The following JAM3 variants were observed in gnomAD, a reference collection of about 807,000 sequenced individuals.
JAM3 encodes the protein junctional adhesion molecule 3, also known as junctional adhesion molecule C.
In JAM3, 31 loss-of-function variants were observed where a neutral mutation model predicts 39.4. That is an observed-to-expected ratio of 0.79 (90% CI 0.59 to 1.06). JAM3 has a LOEUF of 1.06. JAM3 is among the 50% of genes least tolerant of loss of function. The pLI is 0.00. For synonymous variants in JAM3, 182 were observed against 148.7 expected, an observed-to-expected ratio of 1.22 and a Z score of -1.63; for missense variants, 455 against 391.4, an observed-to-expected ratio of 1.16 and a Z score of -1.37.
intron 1 of JAM3, among the ~76,000 whole-genome samples, chr11:134,124,916 C>G (rs562576329): frequency 6.6e-6 from 1 of 152,232 alleles, no homozygotes; most frequent in African/African-American, 2.4e-5. Context: ...GAGCGGGGAC[C>G]GGGCATTGAA....
chr11:134,142,928 T>C (rs1943002420), intron 3 of JAM3, among the ~76,000 whole-genome samples: 1 of 152,216 alleles, frequency 6.6e-6, no homozygotes, highest in African/African-American at 2.4e-5. Context: ...CCTGTGTCCG[T>C]ACTTCATTTC....
intron 1 of JAM3, among the ~76,000 whole-genome samples, chr11:134,088,145 A>G (rs1465757038): frequency 6.6e-6 from 1 of 152,220 alleles, no homozygotes; most frequent in African/African-American, 2.4e-5. Flanking sequence ...CTAGAACTCA[A>G]CTTTATTAAT....
intron 1 of JAM3, among the ~76,000 whole-genome samples, chr11:134,122,237 G>A (rs1942547669): frequency 6.6e-6 from 1 of 152,212 alleles, no homozygotes; most frequent in African/African-American, 2.4e-5. Context: ...TACTGGCCTA[G>A]CTGACGCTAA....
intron 1 of JAM3, among the ~76,000 whole-genome samples, chr11:134,116,208 G>T (rs1942429757): frequency 6.6e-6 from 1 of 152,112 alleles, no homozygotes; most frequent in Admixed American, 6.5e-5. Context: ...AAATATTTCG[G>T]TGGATAAGAT....
intron 1 of JAM3, among the ~76,000 whole-genome samples, chr11:134,077,007 G>A (rs1418250146): frequency 6.6e-6 from 1 of 151,806 alleles, no homozygotes; most frequent in Non-Finnish European, 1.5e-5. Flanking sequence ...ACTAATTTTT[G>A]TATTTTTAGT....
chr11:134,112,199 G>A (rs1483089334), intron 1 of JAM3, among the ~76,000 whole-genome samples: 1 of 152,086 alleles, frequency 6.6e-6, no homozygotes, highest in African/African-American at 2.4e-5. Context: ...GAATTCTCCT[G>A]CCTCAGCCTC....
intron 1 of JAM3, among the ~76,000 whole-genome samples, chr11:134,108,740 C>T (rs879512604): frequency 1.3e-5 from 2 of 152,108 alleles, no homozygotes; most frequent in African/African-American, 2.4e-5. Context: ...CAAAATTCAA[C>T]ATCCATTTAT....
chr11:134,128,112 T>A (rs925837756), intron 1 of JAM3, among the ~76,000 whole-genome samples: 2 of 152,222 alleles, frequency 1.3e-5, no homozygotes, highest in African/African-American at 4.8e-5. Flanking sequence ...GTTTTCCTCT[T>A]GGGCTTTTTA....
At chr11:134,113,802 C>T (rs1161215745) in intron 1 of JAM3, among the ~76,000 whole-genome samples, 1 of 152,204 alleles carries the variant, frequency 6.6e-6, no homozygotes, top group Non-Finnish European at 1.5e-5. Context: ...AGTTTACAGT[C>T]CCACCAACAG....
intron 1 of JAM3, among the ~76,000 whole-genome samples, chr11:134,115,450 C>T (rs1591791530): frequency 6.6e-6 from 1 of 152,028 alleles, no homozygotes; most frequent in Non-Finnish European, 1.5e-5. Context: ...TTTATGCCTT[C>T]TTTTCTATTG....
In JAM3 at chr11:134,097,203, C is replaced by G. The variant is rs538092160; in HGVS notation, c.76+28044C>G. Among the ~76,000 whole-genome samples the G allele has an allele frequency of 3.9e-5, 6 of 152,334 alleles. No homozygotes were observed. In the South Asian group the frequency reaches 1.2e-3, roughly 32 times the overall value. On this transcript the variant is annotated intron_variant, in intron 1 of 8. Transcript: ENST00000299106. ...CAATAGTGAATGTGTTTTGATTACT[C>G]TTTACCATCCTCTTCCCTCAATAGT...
In JAM3 at chr11:134,144,292, G is replaced by A. The variant is rs779041471; in HGVS notation, c.308G>A (p.Trp103Ter). 12 of 1,614,198 alleles carry A rather than the reference G, an allele frequency of 7.4e-6. No homozygotes were observed. The highest frequency in any genetic ancestry group is 1.0e-5 in the Non-Finnish European group (12 of 1,180,024). ...EILGKTSLKI[W>*]NVTRRDSALY... ...CTGGGGAAGACATCCCTGAAGATCT[G>A]GAATGTGACACGGAGAGACTCAGCC... Residue 103 changes from tryptophan (W) to a stop codon, truncating the protein, a stop_gained, in exon 4 of 9, where the codon TGG (tryptophan) becomes TAG (stop). Coordinates refer to ENST00000299106, the MANE Select transcript of JAM3 (RefSeq NM_032801.5). LOFTEE classifies it high-confidence loss of function.
rs919628253 is a variant in JAM3 at position 134,149,279 on chromosome 11, C to G, written c.*98C>G. 2.8e-6 allele frequency: 4 copies of G among 1,415,480 alleles called. No homozygotes were observed. The African/African-American group carries it at 4.2e-5, about 15-fold the overall frequency. The allele number at this position is 1,415,480 out of a possible 1,614,324, so 87.7% of individuals were successfully genotyped here. ...CGAGAGCTGATGCACTCGGACAGAG[C>G]TAGACACTCATTCAGAAGCTTTTCG... On this transcript the variant is annotated 3_prime_UTR_variant, in exon 9 of 9. Coordinates refer to ENST00000299106, the MANE Select transcript of JAM3 (RefSeq NM_032801.5).
chr11:134,110,428 G>A (rs766362939), intron 1 of JAM3, among the ~76,000 whole-genome samples: 1 of 152,158 alleles, frequency 6.6e-6, no homozygotes, highest in Non-Finnish European at 1.5e-5. Context: ...ACATCTGGTG[G>A]TATTTCCATA....
chr11:134,089,428 A>G (rs1473797333), intron 1 of JAM3, among the ~76,000 whole-genome samples: 2 of 152,080 alleles, frequency 1.3e-5, no homozygotes, highest in Non-Finnish European at 2.9e-5. Flanking sequence ...GTCATTTAAC[A>G]TTAGATATAT....
intron 1 of JAM3, among the ~76,000 whole-genome samples, chr11:134,096,177 A>G (rs1941979486): frequency 6.6e-6 from 1 of 152,060 alleles, no homozygotes; most frequent in South Asian, 2.1e-4. Flanking sequence ...GGGTTTCTCC[A>G]TGTTGCCCAG....
At chr11:134,099,150 G>A (rs1218514467) in intron 1 of JAM3, among the ~76,000 whole-genome samples, 1 of 152,096 alleles carries the variant, frequency 6.6e-6, no homozygotes, top group African/African-American at 2.4e-5. Context: ...GCAGTGAGCT[G>A]TGATCATGCC....
chr11:134,105,384 C>T (rs1438662855), intron 1 of JAM3, among the ~76,000 whole-genome samples: 1 of 152,096 alleles, frequency 6.6e-6, no homozygotes, highest in Non-Finnish European at 1.5e-5. Flanking sequence ...ATGACAAACC[C>T]ACAGCCAATA....
chr11:134,123,214 GTTATTTGT>G (rs953307540), intron 1 of JAM3, among the ~76,000 whole-genome samples: 5 of 147,476 alleles, frequency 3.4e-5, no homozygotes, highest in African/African-American at 1.3e-4. Flanking sequence ...TATTTATTTA[GTTATTTGT>G]TTGTTTATTT....
Sources: gnomAD v4.1 joint callset for allele counts (sites outside exome capture counted in the v4.1 genomes callset) on GRCh38, gnomAD v4.1.1 for gene constraint, MANE v1.5 for transcripts, NCBI Gene and HGNC (gene_info 2026-07-23, HGNC 2026-07-21) for gene names.